The following KCNQ1 variants were observed in gnomAD, a reference collection of about 807,000 sequenced individuals.
KCNQ1 encodes potassium voltage-gated channel subfamily KQT member 1.
Under a neutral mutation model 72.4 loss-of-function variants are expected in KCNQ1, and 49 were observed. The ratio of observed to expected loss-of-function variants is 0.68; its 90% confidence interval spans 0.54 to 0.86. The LOEUF is 0.86. Among genes scored for constraint, KCNQ1 ranks in the 40% least tolerant of loss-of-function variants. The probability of loss-of-function intolerance (pLI) is 0.00; values close to 1 mark genes in which losing one functional copy is unlikely to be tolerated. For synonymous variants in KCNQ1, 450 were observed against 412.6 expected (o/e 1.09, Z -1.10); for missense variants, 790 against 945.1 (o/e 0.84, Z 2.15).
chr11:2,675,441 AGAT>A (rs1448302027), intron 11 of KCNQ1: 5 of 398,574 alleles, frequency 1.3e-5, no homozygotes, highest in African/African-American at 6.2e-5. Context: ...TTAAAATAAA[AGAT>A]GATCTGAAAA....
chr11:2,747,785 G>C (rs1455168809), intron 11 of KCNQ1, among the ~76,000 whole-genome samples: 6 of 152,114 alleles, frequency 3.9e-5, no homozygotes. Flanking sequence ...ATGGGGGCAG[G>C]TTCCAGAGAT....
chr11:2,520,191 A>G (rs1315379886), intron 1 of KCNQ1, among the ~76,000 whole-genome samples: 1 of 152,164 alleles, frequency 6.6e-6, no homozygotes, highest in Non-Finnish European at 1.5e-5. Flanking sequence ...ATCGATTGGT[A>G]GTGCCTCCTG....
chr11:2,539,419 C>CA (rs1466458226), intron 2 of KCNQ1, among the ~76,000 whole-genome samples: 7 of 152,220 alleles, frequency 4.6e-5, no homozygotes, highest in African/African-American at 1.7e-4. Flanking sequence ...AACGGGCTTA[C>CA]GCTAGGCAGG....
rs1396567740 is a variant in KCNQ1, at chr11:2,817,248, A to T, written c.1795-30519A>T. ...GAAAATGTTTTTGCAGCAGGCTCGGATGCCAGCATTTTTGTGGTTGCAGTC... is the reference window on the plus strand; with the variant it reads ...GAAAATGTTTTTGCAGCAGGCTCGGTTGCCAGCATTTTTGTGGTTGCAGTC... On this transcript the variant is annotated intron_variant, in intron 15 of 15. Coordinates refer to ENST00000155840, the MANE Select transcript of KCNQ1 (RefSeq NM_000218.3). This position sits in a 1 kb window ranked among gnomAD's most constrained non-coding sequence, Gnocchi z 6.1. Among the ~76,000 whole-genome samples, 1 of 152,164 alleles carries T rather than the reference A, an allele frequency of 6.6e-6. No homozygotes were observed. Among genetic ancestry groups the T allele is most frequent in the East Asian group, 1.9e-4 (1 of 5,196 alleles).
intron 1 of KCNQ1, among the ~76,000 whole-genome samples, chr11:2,504,284 A>G (rs1440311476): frequency 6.6e-6 from 1 of 152,172 alleles, no homozygotes; most frequent in Non-Finnish European, 1.5e-5. Flanking sequence ...GATTAAAACA[A>G]TTGAACTCGA....
Position 2,769,802 on chromosome 11 carries a change from G to A in KCNQ1, c.1590+883G>A, listed in dbSNP as rs1008229360. On this transcript the variant is annotated intron_variant, in intron 12 of 15. Transcript: ENST00000155840. This position sits in a 1 kb window ranked among gnomAD's most constrained non-coding sequence, Gnocchi z 4.6. ...GAGTGAGTGCGTGTCTGCAGGAGCA[G>A]GGCAGGGTGGGGCTTCTGAGCTGGG... Among the ~76,000 whole-genome samples the A allele has an allele frequency of 2.6e-5, 4 of 152,134 alleles. No individual in the cohort carries two copies. The highest frequency in any genetic ancestry group is 2.0e-4 in the Admixed American group (3 of 15,286).
At chr11:2,650,080 C>T in intron 10 of KCNQ1, 2 of 398,266 alleles carry the variant, frequency 5.0e-6, no homozygotes, top group Non-Finnish European at 8.9e-6. Context: ...GCTTTTGAAG[C>T]TTTCAATTGT....
intron 1 of KCNQ1, among the ~76,000 whole-genome samples, chr11:2,448,075 C>T (rs917622646): frequency 3.3e-5 from 5 of 152,246 alleles, no homozygotes; most frequent in African/African-American, 1.2e-4. Flanking sequence ...CTGGGGGCAG[C>T]TCCCATCTTA....
intron 1 of KCNQ1, among the ~76,000 whole-genome samples, chr11:2,500,251 G>A (rs1846987857): frequency 6.6e-6 from 1 of 152,184 alleles, no homozygotes; most frequent in Non-Finnish European, 1.5e-5. Flanking sequence ...AGACATTTAT[G>A]CAGCCAAAAA....
At position 2,643,825 on chromosome 11, in the gene KCNQ1, T is replaced by G. The variant is rs760331945; in HGVS notation, c.1394-18136T>G. On this transcript the variant is annotated intron_variant, in intron 10 of 15. Coordinates refer to ENST00000155840, the MANE Select transcript of KCNQ1 (RefSeq NM_000218.3). ...GCTTTTACTTTTAAGGGAAATACTT[T>G]ATTTCTCCTTCATTTCTGACGAATA... The G allele has an allele frequency of 2.7e-4, 107 of 398,594 alleles. No individual in the cohort carries two copies. The highest frequency in any genetic ancestry group is 1.9e-3 in the Middle Eastern group (3 of 1,586). The allele number at this position is 398,594 out of a possible 1,614,324, so 24.7% of individuals were successfully genotyped here.
chr11:2,694,911 C>G (rs1460600777), intron 11 of KCNQ1: 3 of 398,636 alleles, frequency 7.5e-6, no homozygotes, highest in East Asian at 3.6e-5. Context: ...CCAGAAAAGA[C>G]AAGCCAGGCA....
intron 11 of KCNQ1, among the ~76,000 whole-genome samples, chr11:2,717,883 C>T (rs1166313468): frequency 6.6e-6 from 1 of 152,222 alleles, no homozygotes; most frequent in Admixed American, 6.5e-5. Context: ...CCCAGGGCCT[C>T]CAGGTTTGAG....
Position 2,541,716 on chromosome 11 carries a change from T to TA in KCNQ1, c.477+13698_477+13699insA, listed in dbSNP as rs1182602146. Among the ~76,000 whole-genome samples, 1 of 151,772 alleles carries TA rather than the reference T, an allele frequency of 6.6e-6. No homozygotes were observed. The highest frequency in any genetic ancestry group is 2.1e-4 in the South Asian group (1 of 4,804). On this transcript the variant is annotated intron_variant, in intron 2 of 15. Coordinates refer to ENST00000155840, the MANE Select transcript of KCNQ1 (RefSeq NM_000218.3). The surrounding 1 kb of genome is among the most constrained non-coding windows in gnomAD (Gnocchi z 4.8). ...TCAGGTGTTTTGAGTTTTTTTTTTT[T>TA]TTTAAATGAGGACATCTGTTAGACC...
At position 2,611,558 on chromosome 11, in the gene KCNQ1, T is replaced by C; in HGVS notation, c.1393+22704T>C. ...AGTCACTCTAGCTTTCTTATTACTG[T>C]TTGCATGTCATCTTTTTCCATCATT... On this transcript the variant is annotated intron_variant, in intron 10 of 15. Transcript: ENST00000155840. The surrounding 1 kb of genome is among the most constrained non-coding windows in gnomAD (Gnocchi z 5.3). 1 of 398,586 alleles carries C rather than the reference T, an allele frequency of 2.5e-6. No individual in the cohort carries two copies. 24.7% of individuals were successfully genotyped at this position (398,586 alleles called of 1,614,324 possible). A position where few individuals can be genotyped will look rare whatever the true frequency, so the allele number is the denominator to read the frequency against.
intron 1 of KCNQ1, among the ~76,000 whole-genome samples, chr11:2,485,248 G>T (rs1846722337): frequency 6.6e-6 from 1 of 152,000 alleles, no homozygotes; most frequent in African/African-American, 2.4e-5. Flanking sequence ...TTATCTGGGG[G>T]TCTGTGTGAA....
intron 11 of KCNQ1, chr11:2,699,744 G>A (rs960125594): frequency 1.1e-5 from 4 of 355,058 alleles, no homozygotes; most frequent in Non-Finnish European, 9.6e-6. Flanking sequence ...GCGCCGAGGA[G>A]CCCCCAGAAG....
In KCNQ1 at chr11:2,620,569, T is replaced by A. The variant is rs1303622600; in HGVS notation, c.1393+31715T>A. The A allele has an allele frequency of 2.5e-6, 1 of 396,820 alleles. No individual in the cohort carries two copies. Among genetic ancestry groups the A allele is most frequent in the East Asian group, 3.6e-5 (1 of 28,010 alleles). 24.6% of individuals were successfully genotyped at this position (396,820 alleles called of 1,614,324 possible). ...TATTCCATGGTGTACATGTACCACA[T>A]TTTCTTTATCCAATCCACCACTGAT... On this transcript the variant is annotated intron_variant, in intron 10 of 15. Transcript: ENST00000155840. The surrounding 1 kb of genome is among the most constrained non-coding windows in gnomAD (Gnocchi z 4.5).
At chr11:2,831,134 CCAAAGGCGGCG>C (rs1847937215) in intron 15 of KCNQ1, among the ~76,000 whole-genome samples, 1 of 152,202 alleles carries the variant, frequency 6.6e-6, no homozygotes, top group African/African-American at 2.4e-5. Context: ...GGCTGTGAAG[CCAAAGGCGGCG>C]ATCAATGGGA....
In KCNQ1 at chr11:2,486,684, C is replaced by T. The variant is rs1846744725; in HGVS notation, c.386+41200C>T. On this transcript the variant is annotated intron_variant, in intron 1 of 15. Transcript: ENST00000155840. This position sits in a 1 kb window ranked among gnomAD's most constrained non-coding sequence, Gnocchi z 5.0. ...CAGCACCTGCTTCTGGCGAGAGCCTCAGGAAGCTTCCAATCACGGCAGAAG... is the reference window on the plus strand; with the variant it reads ...CAGCACCTGCTTCTGGCGAGAGCCTTAGGAAGCTTCCAATCACGGCAGAAG... Among the ~76,000 whole-genome samples, 1 of 152,186 alleles carries T rather than the reference C, an allele frequency of 6.6e-6. No individual in the cohort carries two copies. The highest frequency in any genetic ancestry group is 2.1e-4 in the South Asian group (1 of 4,828).
Sources: allele counts gnomAD v4.1 joint callset (sites outside exome capture counted in the v4.1 genomes callset), GRCh38; gene constraint gnomAD v4.1.1; non-coding constraint Gnocchi (gnomAD v3.1); transcripts MANE v1.5; gene names NCBI Gene and HGNC (gene_info 2026-07-23, HGNC 2026-07-21).